HAS3: variants seen among roughly 807,000 people sequenced by gnomAD.
HAS3 encodes the protein hyaluronan synthase 3.
Under a neutral mutation model 50.3 loss-of-function variants are expected in HAS3, and 27 were observed. The ratio of observed to expected loss-of-function variants is 0.54; its 90% CI spans 0.40 to 0.74. The LOEUF (loss-of-function observed/expected upper bound fraction) is 0.74. Ranked by LOEUF, HAS3 falls within the 30% of genes least tolerant of loss-of-function variation. The pLI is 0.00. For synonymous variants in HAS3, 339 were observed against 310.9 expected, an observed-to-expected ratio of 1.09 and a Z score of -0.95; for missense variants, 517 against 742.8, an observed-to-expected ratio of 0.70 and a Z score of 3.53.
chr16:69,113,316 G>T, intron 2 of HAS3, 125 bp from the exon 3 acceptor site: 1 of 734,828 alleles, frequency 1.4e-6, no homozygotes, highest in Non-Finnish European at 2.5e-6. Context: ...CTTAGCTAGA[G>T]GCTGGAAGTG....
At position 69,113,517 on chromosome 16, in the gene HAS3, T is replaced by C. The variant is rs1961077868; in HGVS notation, c.713T>C (p.Val238Ala). 3 of 1,609,836 alleles carry C rather than the reference T, an allele frequency of 1.9e-6. No individual in the cohort carries two copies. The highest frequency in any genetic ancestry group is 2.5e-6 in the Non-Finnish European group (3 of 1,176,722). ...CGAGTCCTGGAGGAGGATCCCCAAG[T>C]AGGGGGAGTCGGGGGAGATGTCCAG... is the stretch of plus-strand genomic sequence containing the variant. ...MLRVLEEDPQ[V>A]GGVGGDVQIL... The change falls in exon 3 of 4, where the codon GTA (valine) becomes GCA (alanine). Residue 238 changes from valine to alanine, a missense_variant. By Grantham distance (64) the Val-to-Ala change is moderately conservative. Coordinates refer to ENST00000569188, the MANE Select transcript of HAS3 (RefSeq NM_001199280.2).
chr16:69,107,246 T>A lies in HAS3; in HGVS notation c.-1+1459T>A. ...CGTGGGGTATCTGGCTGAGGGACAT[T>A]TTGGGGGCCTCTATTTGGGGGTGGG... On this transcript the variant is annotated intron_variant, in intron 1 of 3. Transcript: ENST00000569188. This position sits in a 1 kb window ranked among gnomAD's most constrained non-coding sequence, Gnocchi z 5.5. 1 of 760,438 alleles carries A rather than the reference T, an allele frequency of 1.3e-6. No individual in the cohort carries two copies. The highest frequency in any genetic ancestry group is 1.6e-6 in the Non-Finnish European group (1 of 624,598). The allele number at this position is 760,438 out of a possible 1,614,324, so 47.1% of individuals were successfully genotyped here.
chr16:69,095,953 C>T, the HAS3 span, among the ~76,000 whole-genome samples: 16 of 152,024 alleles, frequency 1.1e-4, no homozygotes, highest in Non-Finnish European at 1.9e-4. Flanking sequence ...CGGTGGCTTA[C>T]GCCTGTAATC....
At chr16:69,101,843 G>C (rs1960700712), upstream of HAS3, among the ~76,000 whole-genome samples, 1 of 151,620 alleles carries the variant, frequency 6.6e-6, no homozygotes, top group African/African-American at 2.4e-5. Context: ...CGAGTGCAGT[G>C]GCACGATCTC....
rs1961118938 is a variant in HAS3, at chr16:69,114,606, C to A, written c.1002C>A (p.Thr334=). ...VLSLGYRTKY[T]ARSKCLTETP... is the part of the protein sequence containing the mutation. ...GCCTTGGCTACCGAACTAAGTATAC[C>A]GCGCGCTCCAAGTGCCTCACAGAGA... is the stretch of plus-strand genomic sequence containing the variant. The change falls in exon 4 of 4, where the codon ACC becomes ACA. Residue 334 remains threonine (T), a synonymous_variant. Coordinates refer to ENST00000569188, the MANE Select transcript of HAS3 (RefSeq NM_001199280.2). The surrounding 1 kb of genome is among the most constrained non-coding windows in gnomAD (Gnocchi z 6.4). 2 of 1,614,034 alleles carry A rather than the reference C, an allele frequency of 1.2e-6. No individual in the cohort carries two copies. The highest frequency in any genetic ancestry group is 2.2e-5 in the East Asian group (1 of 44,870).
Position 69,113,519 on chromosome 16 carries a change from G to A in HAS3, c.715G>A (p.Gly239Arg). 1 of 1,605,940 alleles carries A rather than the reference G, an allele frequency of 6.2e-7. No individual in the cohort carries two copies. The highest frequency in any genetic ancestry group is 8.5e-7 in the Non-Finnish European group (1 of 1,172,974). ...LRVLEEDPQV[G>R]GVGGDVQILN... ...AGTCCTGGAGGAGGATCCCCAAGTA[G>A]GGGGAGTCGGGGGAGATGTCCAGGT... Residue 239 changes from glycine to arginine, a missense_variant, in exon 3 of 4, where the codon GGG becomes AGG. Coordinates refer to ENST00000569188, the MANE Select transcript of HAS3 (RefSeq NM_001199280.2).
At chr16:69,097,458 A>G in the HAS3 span, among the ~76,000 whole-genome samples, 1 of 152,014 alleles carries the variant, frequency 6.6e-6, no homozygotes, top group Non-Finnish European at 1.5e-5. Context: ...AAAAAAAAAA[A>G]AAGAGCCAAA....
chr16:69,085,433 C>T, the HAS3 span, among the ~76,000 whole-genome samples: 1 of 152,014 alleles, frequency 6.6e-6, no homozygotes, highest in Admixed American at 6.6e-5. Context: ...AACATCTGTT[C>T]TTTATTGATT....
At chr16:69,085,367 C>T in the HAS3 span, among the ~76,000 whole-genome samples, 12 of 152,156 alleles carry the variant, frequency 7.9e-5, no homozygotes, top group Admixed American at 7.9e-4. Context: ...ATCCTAGTAC[C>T]TTTATCTCTA....
At chr16:69,111,352 G>GT (rs1415416275) in intron 2 of HAS3, among the ~76,000 whole-genome samples, 1 of 151,900 alleles carries the variant, frequency 6.6e-6, no homozygotes, top group Non-Finnish European at 1.5e-5. Flanking sequence ...GATTACAGGC[G>GT]TGAGCCACCG....
chr16:69,101,888 G>T (rs539839901), upstream of HAS3, among the ~76,000 whole-genome samples: 7 of 151,788 alleles, frequency 4.6e-5, no homozygotes, highest in Admixed American at 2.0e-4. Context: ...GGGTTCAAAC[G>T]ATTCTCCTGC....
chr16:69,106,976 G>C lies in HAS3; in HGVS notation c.-1+1189G>C, dbSNP rs984565801. The C allele has an allele frequency of 3.3e-5, 5 of 152,266 alleles. No individual in the cohort carries two copies. Among genetic ancestry groups the C allele is most frequent in the Admixed American group, 1.3e-4 (2 of 15,284 alleles). The allele number at this position is 152,266 out of a possible 1,614,324, so 9.4% of individuals were successfully genotyped here. ...ATGGAGAAGCGTGCGTCCTTGACTG[G>C]GGGTTCTCCTTCCGTAGTCCTGGGA... On this transcript the variant is annotated intron_variant, in intron 1 of 3. Coordinates refer to ENST00000569188, the MANE Select transcript of HAS3 (RefSeq NM_001199280.2). This position sits in a 1 kb window ranked among gnomAD's most constrained non-coding sequence, Gnocchi z 5.5.
At chr16:69,090,072 T>G in the HAS3 span, among the ~76,000 whole-genome samples, 1 of 152,220 alleles carries the variant, frequency 6.6e-6, no homozygotes, top group Admixed American at 6.5e-5. Context: ...ATGAAATGTT[T>G]TGAACATCTG....
chr16:69,111,871 CA>C (rs1465855012), intron 2 of HAS3, among the ~76,000 whole-genome samples: 5 of 152,350 alleles, frequency 3.3e-5, no homozygotes, highest in Non-Finnish European at 7.4e-5. Flanking sequence ...ACCCCCACCC[CA>C]CCCTGCCATC....
the HAS3 span, among the ~76,000 whole-genome samples, chr16:69,088,503 T>A: frequency 7.0e-6 from 1 of 142,720 alleles, no homozygotes; most frequent in Non-Finnish European, 1.5e-5. Context: ...GAGGTTGCAG[T>A]GAGTGAGACT....
Position 69,115,294 on chromosome 16 carries a change from T to A in HAS3, c.*28T>A. The A allele has an allele frequency of 6.7e-7, 1 of 1,503,248 alleles. No homozygotes were observed. Among genetic ancestry groups the A allele is most frequent in the African/African-American group, 1.4e-5 (1 of 71,066 alleles). 93.1% of individuals were successfully genotyped at this position (1,503,248 alleles called of 1,614,324 possible). A position where few individuals can be genotyped will look rare whatever the true frequency, so the allele number is the denominator to read the frequency against. On this transcript the variant is annotated 3_prime_UTR_variant, in exon 4 of 4. Coordinates refer to ENST00000569188, the MANE Select transcript of HAS3 (RefSeq NM_001199280.2). ...TGGCCCCCAAGCAGAGCGGGTAAAG[T>A]GCAATGGGTAAGGGAGGGAAGGGGA... is the stretch of plus-strand genomic sequence containing the variant.
upstream of HAS3, among the ~76,000 whole-genome samples, chr16:69,104,992 GTTTTTTTTTTTTTTTTTT>G (rs565397720): frequency 0.044 from 3,616 of 82,378 alleles, 253 homozygotes; most frequent in African/African-American, 0.16. Flanking sequence ...CTGTTTTTTG[GTTTTTTTTTTTTTTTTTT>G]TTTTTTTTTT....
In HAS3 at chr16:69,107,613, A is replaced by G. The variant is rs1960850683; in HGVS notation, c.1-1783A>G. 2.0e-6 allele frequency: 2 copies of G among 985,426 alleles called. No individual in the cohort carries two copies. The highest frequency in any genetic ancestry group is 1.2e-6 in the Non-Finnish European group (1 of 829,940). 61.0% of individuals were successfully genotyped at this position (985,426 alleles called of 1,614,324 possible). A position where few individuals can be genotyped will look rare whatever the true frequency, so the allele number is the denominator to read the frequency against. ...GCACCGAGGCGGGGCGCCAGCGCCC[A>G]GGTTGCTGGGCTGGCCTTGGCGCCC... On this transcript the variant is annotated intron_variant, in intron 1 of 3. Transcript: ENST00000569188. This position sits in a 1 kb window ranked among gnomAD's most constrained non-coding sequence, Gnocchi z 5.5.
At chr16:69,113,158 C>T (rs996364682) in intron 2 of HAS3, among the ~76,000 whole-genome samples, 5 of 152,194 alleles carry the variant, frequency 3.3e-5, no homozygotes, top group South Asian at 2.1e-4. Flanking sequence ...CAATTTTTTG[C>T]GTCCAGTGCT....
Sources: gnomAD v4.1 joint callset for allele counts (sites outside exome capture counted in the v4.1 genomes callset) on GRCh38, gnomAD v4.1.1 for gene constraint, Gnocchi (gnomAD v3.1) non-coding constraint, MANE v1.5 for transcripts, NCBI Gene and HGNC (gene_info 2026-07-23, HGNC 2026-07-21) for gene names.